Variants in ELL observed in about 807,000 individuals in gnomAD.
ELL encodes RNA polymerase II elongation factor ELL.
ELL carries 18 observed loss-of-function variants against 64.0 expected under a neutral mutation model. The observed-to-expected ratio is 0.28, with a 90% CI of 0.19 to 0.42. The LOEUF (loss-of-function observed/expected upper bound fraction) is 0.42. Ranked by LOEUF, ELL falls within the 10% of genes least tolerant of loss-of-function variation. The pLI is 1.00. For synonymous variants in ELL, 399 were observed against 376.2 expected (o/e 1.06, Z -0.70); for missense variants, 797 against 870.4 (o/e 0.92, Z 1.06).
intron 1 of ELL, among the ~76,000 whole-genome samples, chr19:18,482,552 G>A (rs1975324469): frequency 1.3e-5 from 2 of 151,886 alleles, no homozygotes; most frequent in African/African-American, 2.4e-5. Context: ...TGGCCAGGCT[G>A]ATCTCAAACT....
intron 1 of ELL, among the ~76,000 whole-genome samples, chr19:18,505,893 G>A (rs1975876206): frequency 6.6e-6 from 1 of 152,166 alleles, no homozygotes; most frequent in African/African-American, 2.4e-5. Flanking sequence ...GGGAGAAACT[G>A]AGGCCCAGAG....
At chr19:18,503,997 C>T (rs1027215289) in intron 1 of ELL, among the ~76,000 whole-genome samples, 31 of 152,252 alleles carry the variant, frequency 2.0e-4, no homozygotes, top group African/African-American at 5.5e-4. Flanking sequence ...CACATCCCCC[C>T]GCCTGATCCA....
chr19:18,496,421 C>G (rs1235051190), intron 1 of ELL, among the ~76,000 whole-genome samples: 2 of 152,252 alleles, frequency 1.3e-5, no homozygotes, highest in Non-Finnish European at 2.9e-5. Flanking sequence ...CCTGACCAGA[C>G]TCAGCCTCAC....
intron 1 of ELL, among the ~76,000 whole-genome samples, chr19:18,488,485 T>C (rs546766354): frequency 3.1e-4 from 47 of 151,932 alleles, no homozygotes; most frequent in Non-Finnish European, 6.9e-4. Flanking sequence ...AACCTCAGAG[T>C]ACCCAGGAGG....
In ELL at chr19:18,485,781, T is replaced by C. The variant is rs1975400278; in HGVS notation, c.136-12899A>G. Among the ~76,000 whole-genome samples, 4 of 152,008 alleles carry C rather than the reference T, an allele frequency of 2.6e-5. No homozygotes were observed. In the South Asian group the frequency reaches 8.3e-4, roughly 32 times the overall value. ...ACGAGCGGATCACGAGGTCAGGAGA[T>C]TGAGACCATCCTGGTTAACACGGTG... On this transcript the variant is annotated intron_variant, in intron 1 of 11. Transcript: ENST00000262809.
intron 1 of ELL, among the ~76,000 whole-genome samples, chr19:18,479,126 C>A (rs1975238833): frequency 6.6e-6 from 1 of 152,190 alleles, no homozygotes; most frequent in Non-Finnish European, 1.5e-5. Flanking sequence ...GAATCTTCCC[C>A]AGGGCACGAG....
chr19:18,517,886 C>CA (rs35771773), intron 1 of ELL, among the ~76,000 whole-genome samples: 19,661 of 84,304 alleles, frequency 0.23, 1,659 homozygotes, highest in African/African-American at 0.3. Context: ...GACCTTGTCT[C>CA]AAAAAAAAAA....
intron 1 of ELL, among the ~76,000 whole-genome samples, chr19:18,490,456 C>T (rs150576273): frequency 6.6e-6 from 1 of 152,234 alleles, no homozygotes; most frequent in Non-Finnish European, 1.5e-5. Context: ...ATTGTCCTCC[C>T]CGCAGCGGGA....
At chr19:18,467,714 CCCA>C (rs1383319993) in intron 2 of ELL, among the ~76,000 whole-genome samples, 3 of 133,600 alleles carry the variant, frequency 2.2e-5, no homozygotes, top group Admixed American at 7.7e-5. Context: ...CACACAATCC[CCCA>C]CAACCACACA....
At chr19:18,514,644 G>A (rs1443116756) in intron 1 of ELL, among the ~76,000 whole-genome samples, 1 of 152,254 alleles carries the variant, frequency 6.6e-6, no homozygotes, top group African/African-American at 2.4e-5. Flanking sequence ...GGACTCTGTG[G>A]CTGACTACAC....
At chr19:18,486,690 C>T (rs950611471) in intron 1 of ELL, among the ~76,000 whole-genome samples, 5 of 152,174 alleles carry the variant, frequency 3.3e-5, no homozygotes, top group African/African-American at 1.2e-4. Context: ...ATTGTCTGCT[C>T]ACTGCAACCT....
chr19:18,471,541 G>A (rs572127422), intron 2 of ELL, among the ~76,000 whole-genome samples: 37 of 152,242 alleles, frequency 2.4e-4, no homozygotes, highest in African/African-American at 4.1e-4. Flanking sequence ...GGTGGCAGGC[G>A]TCTGTAATCT....
intron 1 of ELL, among the ~76,000 whole-genome samples, chr19:18,493,022 T>C (rs1449101510): frequency 6.6e-6 from 1 of 152,034 alleles, no homozygotes; most frequent in Admixed American, 6.5e-5. Flanking sequence ...CATGACCTTG[T>C]CACCTGCTGC....
chr19:18,519,773 AT>A (rs1976215550), intron 1 of ELL, among the ~76,000 whole-genome samples: 1 of 150,008 alleles, frequency 6.7e-6, no homozygotes, highest in Non-Finnish European at 1.5e-5. Flanking sequence ...CGCCACCTCA[AT>A]GAAGCCTGGG....
At chr19:18,496,949 C>T (rs1202786572) in intron 1 of ELL, among the ~76,000 whole-genome samples, 5 of 152,220 alleles carry the variant, frequency 3.3e-5, no homozygotes, top group Non-Finnish European at 5.9e-5. Flanking sequence ...CATTCACTGC[C>T]GGTGGACATG....
intron 6 of ELL, among the ~76,000 whole-genome samples, chr19:18,453,515 CAAACAAA>C (rs1974585999): frequency 6.6e-6 from 1 of 152,126 alleles, no homozygotes; most frequent in African/African-American, 2.4e-5. Flanking sequence ...ACAAACCCAC[CAAACAAA>C]AAACAAACAA....
rs538878987 is a variant in ELL, at chr19:18,446,691, G to A, written c.1532+57C>T. ...TCTGATAACCTGCAGTGCTGGGGGA[G>A]GGGGTCTGAACCCAGAAAAGGGAGG... On this transcript the variant is annotated intron_variant, in intron 9 of 11. Coordinates refer to ENST00000262809, the MANE Select transcript of ELL (RefSeq NM_006532.4). The A allele has an allele frequency of 7.5e-6, 12 of 1,599,718 alleles. No homozygotes were observed. In the African/African-American group the frequency reaches 1.5e-4, roughly 20 times the overall value.
rs536306734 is a variant in ELL, at chr19:18,453,683, G to C, written c.870-2035C>G. On this transcript the variant is annotated intron_variant, in intron 6 of 11. Transcript: ENST00000262809. The stretch of plus-strand genomic sequence containing the variant: ...AGTGATCCTCCCACCTCAGCCTCTA[G>C]GGTAGCTGGGATCACAAGAGCACAA... Among the ~76,000 whole-genome samples, 8 of 152,264 alleles carry C rather than the reference G, an allele frequency of 5.3e-5. No individual in the cohort carries two copies. The South Asian group carries it at 8.3e-4, about 16-fold the overall frequency.
intron 1 of ELL, among the ~76,000 whole-genome samples, chr19:18,507,758 G>A (rs1322518690): frequency 6.6e-6 from 1 of 152,188 alleles, no homozygotes; most frequent in African/African-American, 2.4e-5. Flanking sequence ...CACTGTGTAG[G>A]TTGTGCCCCG....
Sources: gnomAD v4.1 joint callset for allele counts (sites outside exome capture counted in the v4.1 genomes callset) on GRCh38, gnomAD v4.1.1 for gene constraint, MANE v1.5 for transcripts, NCBI Gene and HGNC (gene_info 2026-07-23, HGNC 2026-07-21) for gene names.